The following ABCB7 variants were observed in gnomAD, a reference collection of about 807,000 sequenced individuals.
The protein encoded by ABCB7 is iron-sulfur clusters transporter ABCB7, mitochondrial.
A neutral mutation model predicts 54.4 loss-of-function variants in ABCB7; 7 were observed. The observed-to-expected ratio is 0.13, with a 90% CI of 0.07 to 0.24. ABCB7 has a LOEUF of 0.24. ABCB7 is among the 10% of genes least tolerant of loss of function. The pLI, the probability that ABCB7 is intolerant of heterozygous loss-of-function variation, is 1.00. For synonymous variants in ABCB7, 218 were observed against 207.1 expected (o/e 1.05, Z -0.45); for missense variants, 356 against 570.4 (o/e 0.62, Z 3.83).
In ABCB7 at chrX:75,073,149, T is replaced by C. The variant is rs750541187; in HGVS notation, c.1032+540A>G. ...ACCTCCTGAAGGACTTACCTGAGTC[T>C]ATTTTACAGTTAACTTTGTTTTTAG... On this transcript the variant is annotated intron_variant, in intron 8 of 15. Coordinates refer to ENST00000373394, the MANE Select transcript of ABCB7 (RefSeq NM_001271696.3). Among the ~76,000 whole-genome samples the C allele has an allele frequency of 2.0e-3, 225 of 111,390 alleles. 6 individuals are homozygous for C. The highest frequency in any genetic ancestry group is 4.1e-4 in the Non-Finnish European group (22 of 53,015).
intron 1 of ABCB7, among the ~76,000 whole-genome samples, chrX:75,142,492 A>G (rs1217772475): frequency 1.8e-5 from 2 of 111,864 alleles, no homozygotes; most frequent in Non-Finnish European, 3.8e-5. Context: ...TAATAATTGC[A>G]GACAAGATCC....
chrX:75,125,555 C>A lies in ABCB7; in HGVS notation c.169-10724G>T, dbSNP rs147584033. 6.3e-3 allele frequency among the ~76,000 whole-genome samples: 706 copies of A among 111,439 alleles called. 5 individuals are homozygous for A. Among genetic ancestry groups the A allele is most frequent in the Non-Finnish European group, 8.8e-3 (464 of 52,921 alleles). ...CTGCTCCCCTCAGCATGGATGTCTTCTCTTTATCTCCTTGCTACTCCATTT... is the reference window on the plus strand; with the variant it reads ...CTGCTCCCCTCAGCATGGATGTCTTATCTTTATCTCCTTGCTACTCCATTT... On this transcript the variant is annotated intron_variant, in intron 1 of 15. Transcript: ENST00000373394.
At chrX:75,111,103 C>T (rs1293079347) in intron 3 of ABCB7, among the ~76,000 whole-genome samples, 1 of 111,441 alleles carries the variant, frequency 9.0e-6, no homozygotes, top group African/African-American at 3.3e-5. Context: ...TATAAACAAG[C>T]ACACAAAAAG....
At chrX:75,129,606 A>T (rs757282754) in intron 1 of ABCB7, among the ~76,000 whole-genome samples, 5 of 105,023 alleles carry the variant, frequency 4.8e-5, no homozygotes, top group East Asian at 2.9e-4. Flanking sequence ...AAATATATAT[A>T]ATATATATAT....
intron 1 of ABCB7, among the ~76,000 whole-genome samples, chrX:75,155,015 C>G (rs770709694): frequency 4.4e-4 from 50 of 112,592 alleles, no homozygotes; most frequent in Admixed American, 1.9e-3. Context: ...TCTTTATAAC[C>G]TGGTCCTTAA....
At chrX:75,102,992 G>A (rs1354551473) in intron 3 of ABCB7, among the ~76,000 whole-genome samples, 4 of 110,540 alleles carry the variant, frequency 3.6e-5, no homozygotes, top group Non-Finnish European at 7.6e-5. Context: ...TTTTATTATT[G>A]AGTTGAATTC....
In ABCB7 at chrX:75,068,875, AATTTCACTGGT is replaced by A. The variant is rs747486197; in HGVS notation, c.1659+121_1659+131del. On this transcript the variant is annotated intron_variant, in intron 12 of 15. Coordinates refer to ENST00000373394, the MANE Select transcript of ABCB7 (RefSeq NM_001271696.3). ...TTTAAAAAATCCCTTTTGATACCAGAATTTCACTGGTAGGGTCTAATACTGACTACTTCAGT... is the reference window on the plus strand; with the variant it reads ...TTTAAAAAATCCCTTTTGATACCAGAAGGGTCTAATACTGACTACTTCAGT... 3,369 of 788,194 alleles carry A rather than the reference AATTTCACTGGT, an allele frequency of 4.3e-3. 11 individuals carry two copies. The highest frequency in any genetic ancestry group is 5.3e-3 in the Non-Finnish European group (2,886 of 540,737). 65.0% of individuals were successfully genotyped at this position (788,194 alleles called of 1,213,427 possible). A position where few individuals can be genotyped will look rare whatever the true frequency, so the allele number is the denominator to read the frequency against.
intron 4 of ABCB7, among the ~76,000 whole-genome samples, chrX:75,079,733 T>C (rs1460549835): frequency 1.8e-5 from 2 of 111,777 alleles, no homozygotes; most frequent in East Asian, 5.6e-4. Flanking sequence ...GTAGTACGTA[T>C]GTGTCTGTCC....
chrX:75,116,879 C>T (rs930749190), intron 1 of ABCB7, among the ~76,000 whole-genome samples: 1 of 110,742 alleles, frequency 9.0e-6, no homozygotes, highest in African/African-American at 3.3e-5. Context: ...ACCAAGATAG[C>T]GACAAGAGTA....
In ABCB7 at chrX:75,156,249, A is replaced by G. The variant is rs760307682; in HGVS notation, c.24T>C (p.Ser8=). 1 of 1,204,334 alleles carries G rather than the reference A, an allele frequency of 8.3e-7. No individual in the cohort carries two copies. Among genetic ancestry groups the G allele is most frequent in the African/African-American group, 1.7e-5 (1 of 57,190 alleles). ...CAGCCGCCGCGGCCGCCCAGCGCCA[A>G]GAATGCATCGCGAGCAGCGCCATCT... MALLAMH[S]WRWAAAAAAF... Residue 8 remains serine, a synonymous_variant, in exon 1 of 16, where the codon TCT becomes TCC. Coordinates refer to ENST00000373394, the MANE Select transcript of ABCB7 (RefSeq NM_001271696.3).
At chrX:75,094,050 A>ATATATATC (rs1314153062) in intron 4 of ABCB7, among the ~76,000 whole-genome samples, 1 of 20,480 alleles carries the variant, frequency 4.9e-5, no homozygotes, top group African/African-American at 7.0e-5. Flanking sequence ...ATATATATAT[A>ATATATATC]TATCTATCTT....
chrX:75,052,684 C>G lies in ABCB7; in HGVS notation c.*686G>C, dbSNP rs1269171926. The G allele has an allele frequency of 9.4e-6, 1 of 106,494 alleles. No homozygotes were observed. The highest frequency in any genetic ancestry group is 1.9e-5 in the Non-Finnish European group (1 of 52,099). 8.8% of individuals were successfully genotyped at this position (106,494 alleles called of 1,213,427 possible). A position where few individuals can be genotyped will look rare whatever the true frequency, so the allele number is the denominator to read the frequency against. On this transcript the variant is annotated 3_prime_UTR_variant, in exon 16 of 16. Transcript: ENST00000373394. ...ATTCCAGCTACTTGGGAGGCCAAGG[C>G]ATGATAATTGCTTGAACTCAGAAGA...
chrX:75,153,750 G>GTATA (rs1190799642), intron 1 of ABCB7, among the ~76,000 whole-genome samples: 1 of 9,498 alleles, frequency 1.1e-4, no homozygotes, highest in Non-Finnish European at 7.5e-3. Flanking sequence ...GTGTGTGCGT[G>GTATA]TGTGTGTGTG....
chrX:75,135,581 G>C (rs1009965985), intron 1 of ABCB7, among the ~76,000 whole-genome samples: 1 of 111,425 alleles, frequency 9.0e-6, no homozygotes, highest in Non-Finnish European at 1.9e-5. Flanking sequence ...AATCATCAAT[G>C]AAATACTAGC....
intron 2 of ABCB7, among the ~76,000 whole-genome samples, chrX:75,113,497 ATTGTAGTCAT>A (rs770792356): frequency 8.9e-6 from 1 of 111,857 alleles, no homozygotes; most frequent in East Asian, 2.8e-4. Context: ...TTATGCCTAT[ATTGTAGTCAT>A]TTGCATACAC....
intron 4 of ABCB7, among the ~76,000 whole-genome samples, chrX:75,080,984 T>C (rs1035089693): frequency 9.0e-6 from 1 of 111,420 alleles, no homozygotes; most frequent in Admixed American, 9.6e-5. Context: ...TAATGAGGAA[T>C]CTCTTCTGCC....
At chrX:75,110,366 C>A (rs1440541815) in intron 3 of ABCB7, among the ~76,000 whole-genome samples, 1 of 111,650 alleles carries the variant, frequency 9.0e-6, no homozygotes, top group African/African-American at 3.3e-5. Flanking sequence ...GGTATGCTTG[C>A]CCACTGGTCT....
At chrX:75,119,102 TCAAA>T (rs200264070) in intron 1 of ABCB7, among the ~76,000 whole-genome samples, 1,478 of 112,529 alleles carry the variant, frequency 0.013, 12 homozygotes, top group Non-Finnish European at 0.021. Flanking sequence ...AAAGTTTAGA[TCAAA>T]CATTTTGTCA....
At chrX:75,125,654 C>T (rs1028237086) in intron 1 of ABCB7, among the ~76,000 whole-genome samples, 49 of 111,100 alleles carry the variant, frequency 4.4e-4, no homozygotes, top group Admixed American at 4.3e-3. Context: ...TTTAATACTG[C>T]TACGGGCACT....
Sources: allele counts gnomAD v4.1 joint callset (sites outside exome capture counted in the v4.1 genomes callset), GRCh38; gene constraint gnomAD v4.1.1; transcripts MANE v1.5; gene names NCBI Gene and HGNC (gene_info 2026-07-23, HGNC 2026-07-21).